Variants in CDYL observed in about 807,000 individuals in gnomAD.
CDYL encodes the protein chromodomain Y like.
CDYL carries 8 observed loss-of-function variants against 47.3 expected under a neutral mutation model. The ratio of observed to expected loss-of-function variants is 0.17; its 90% CI spans 0.10 to 0.31. CDYL has a LOEUF of 0.31. Ranked by LOEUF, CDYL falls within the 10% of genes least tolerant of loss-of-function variation. The pLI is 1.00. For missense variants in CDYL, 471 were observed against 701.4 expected (o/e 0.67, Z 3.71); for synonymous variants, 266 against 265.0 (o/e 1.00, Z -0.04).
chr6:4,795,018 T>C (rs1168990187), intron 1 of CDYL, among the ~76,000 whole-genome samples: 1 of 152,122 alleles, frequency 6.6e-6, no homozygotes, highest in Non-Finnish European at 1.5e-5. Flanking sequence ...CTGAATTGGC[T>C]AGGACCGTCA....
chr6:4,950,167 C>A (rs1405981818), intron 5 of CDYL, among the ~76,000 whole-genome samples: 1 of 152,122 alleles, frequency 6.6e-6, no homozygotes, highest in East Asian at 1.9e-4. Context: ...AAGTTGACCT[C>A]CAGGTGGCAG....
At chr6:4,776,340 G>T (rs1758447222), upstream of CDYL, 1 of 144,434 alleles carries the variant, frequency 6.9e-6, no homozygotes, top group African/African-American at 2.5e-5. Flanking sequence ...CGGAGCGCGG[G>T]AGCGCGGCTC....
At chr6:4,733,472 A>G (rs1757645796) in intron 2 of CDYL, among the ~76,000 whole-genome samples, 1 of 152,038 alleles carries the variant, frequency 6.6e-6, no homozygotes, top group Admixed American at 6.6e-5. Flanking sequence ...TTAAAAAGAC[A>G]GAGATCAAAT....
rs1326058749 is a variant in CDYL at position 4,865,498 on chromosome 6, A to G, written c.25-26215A>G. On this transcript the variant is annotated intron_variant, in intron 1 of 6. Transcript: ENST00000397588. ...TATAGAAGTAAAAATTGCCTTGCTCAGAAAAGGAAATTTATGTTCGAGTGC... is the reference window on the plus strand; with the variant it reads ...TATAGAAGTAAAAATTGCCTTGCTCGGAAAAGGAAATTTATGTTCGAGTGC... 2.6e-5 allele frequency among the ~76,000 whole-genome samples: 4 copies of G among 152,246 alleles called. No homozygotes were observed. The East Asian group carries it at 5.8e-4, about 22-fold the overall frequency.
At chr6:4,895,850 G>A (rs1415198953) in intron 2 of CDYL, among the ~76,000 whole-genome samples, 9 of 152,156 alleles carry the variant, frequency 5.9e-5, no homozygotes, top group Admixed American at 5.9e-4. Context: ...TGAGGATTTA[G>A]TGACTTCCTT....
chr6:4,912,565 G>A (rs923738102), intron 2 of CDYL, among the ~76,000 whole-genome samples: 2 of 152,270 alleles, frequency 1.3e-5, no homozygotes, highest in Non-Finnish European at 2.9e-5. Flanking sequence ...GAAACATGAT[G>A]TGTGCTGATT....
chr6:4,773,703 C>T (rs1581156762), upstream of CDYL, among the ~76,000 whole-genome samples: 4 of 152,322 alleles, frequency 2.6e-5, no homozygotes, highest in South Asian at 6.2e-4. The surrounding 1 kb of genome is among the most constrained non-coding windows in gnomAD (Gnocchi z 4.6). Flanking sequence ...GGATACCCAT[C>T]TCCTTCGCCA....
chr6:4,830,000 G>C (rs1019122907), intron 1 of CDYL, among the ~76,000 whole-genome samples: 4 of 152,198 alleles, frequency 2.6e-5, no homozygotes, highest in Admixed American at 1.3e-4. Context: ...TATTTCCAGA[G>C]TCCTGATAAT....
At chr6:4,747,262 GTGCCAC>G (rs1224877038) in intron 3 of CDYL, among the ~76,000 whole-genome samples, 2 of 147,022 alleles carry the variant, frequency 1.4e-5, no homozygotes, top group East Asian at 2.0e-4. Context: ...AGCAGAGATT[GTGCCAC>G]TGCACTCCAG....
intron 2 of CDYL, among the ~76,000 whole-genome samples, chr6:4,917,293 TG>T (rs1406246575): frequency 2.0e-5 from 3 of 152,226 alleles, no homozygotes; most frequent in African/African-American, 7.2e-5. Context: ...TTCGTTTTAA[TG>T]GCGTTTCCAT....
At chr6:4,888,208 G>T (rs1761950267) in intron 1 of CDYL, among the ~76,000 whole-genome samples, 1 of 152,042 alleles carries the variant, frequency 6.6e-6, no homozygotes, top group Non-Finnish European at 1.5e-5. Flanking sequence ...ATAAAGTGTG[G>T]TAAATTGTTT....
exon 3 of CDYL, chr6:4,734,787 C>A: frequency 6.2e-7 from 1 of 1,614,156 alleles, no homozygotes. Flanking sequence ...GGCCTTCAGA[C>A]CCCAGCATCT....
intron 2 of CDYL, among the ~76,000 whole-genome samples, chr6:4,929,190 A>G (rs894698439): frequency 6.6e-6 from 1 of 151,684 alleles, no homozygotes; most frequent in Non-Finnish European, 1.5e-5. Flanking sequence ...TTTTTGAAGG[A>G]CATTTATGCT....
At chr6:4,755,327 T>C (rs1314827823) in intron 3 of CDYL, among the ~76,000 whole-genome samples, 1 of 152,022 alleles carries the variant, frequency 6.6e-6, no homozygotes, top group East Asian at 1.9e-4. Context: ...TGCCTCGGCC[T>C]CCCAAAGTGC....
intron 1 of CDYL, 114 bp from the exon 2 acceptor site, chr6:4,891,599 A>T (rs1762043432): frequency 1.3e-6 from 1 of 783,836 alleles, no homozygotes. Context: ...TGCAGAAGAG[A>T]TCATTTTATC....
intron 1 of CDYL, among the ~76,000 whole-genome samples, chr6:4,794,185 A>G (rs1759006379): frequency 6.6e-6 from 1 of 152,112 alleles, no homozygotes; most frequent in Admixed American, 6.5e-5. Flanking sequence ...GTCATCACAT[A>G]GAGCTTGCGG....
chr6:4,729,351 A>G (rs781452189), intron 2 of CDYL, among the ~76,000 whole-genome samples: 1 of 152,136 alleles, frequency 6.6e-6, no homozygotes, highest in African/African-American at 2.4e-5. Context: ...GCGTGCATAT[A>G]CACACACCAG....
intron 5 of CDYL, among the ~76,000 whole-genome samples, chr6:4,952,040 T>C (rs978259295): frequency 3.9e-5 from 6 of 152,148 alleles, no homozygotes; most frequent in African/African-American, 1.4e-4. Flanking sequence ...CTTTTTGCTT[T>C]CCTTTTTAAG....
chr6:4,752,579 A>G (rs112940143), intron 3 of CDYL, among the ~76,000 whole-genome samples: 153 of 152,272 alleles, frequency 1.0e-3, no homozygotes, highest in Non-Finnish European at 2.0e-3. Flanking sequence ...CTAGGATTTT[A>G]TAGTTCAAAT....
Sources: gnomAD v4.1 joint callset for allele counts (sites outside exome capture counted in the v4.1 genomes callset) on GRCh38, gnomAD v4.1.1 for gene constraint, Gnocchi (gnomAD v3.1) non-coding constraint, MANE v1.5 for transcripts, NCBI Gene and HGNC (gene_info 2026-07-23, HGNC 2026-07-21) for gene names.